The following CACNA2D1 variants were observed in gnomAD, a reference collection of about 807,000 sequenced individuals.
The protein encoded by CACNA2D1 is calcium voltage-gated channel auxiliary subunit alpha2delta 1, also known as voltage-dependent calcium channel subunit alpha-2/delta-1.
Under a neutral mutation model 171.5 loss-of-function variants are expected in CACNA2D1, and 53 were observed. The ratio of observed to expected loss-of-function variants is 0.31; its 90% confidence interval spans 0.25 to 0.39. The LOEUF (loss-of-function observed/expected upper bound fraction) is 0.39. CACNA2D1 is among the 10% of genes least tolerant of loss of function. The pLI, the probability that CACNA2D1 is intolerant of heterozygous loss-of-function variation, is 1.00. For synonymous variants in CACNA2D1, 442 were observed against 443.1 expected (o/e 1.00, Z 0.03); for missense variants, 903 against 1,299.8 (o/e 0.69, Z 4.69).
intron 24 of CACNA2D1, among the ~76,000 whole-genome samples, chr7:81,975,233 T>G (rs929503906): frequency 3.3e-5 from 5 of 152,116 alleles, no homozygotes; most frequent in Non-Finnish European, 7.4e-5. Context: ...TGCAACTGCA[T>G]GTGAATCTAT....
intron 3 of CACNA2D1, among the ~76,000 whole-genome samples, chr7:82,248,844 G>A (rs907862446): frequency 2.6e-5 from 4 of 151,710 alleles, no homozygotes; most frequent in African/African-American, 4.8e-5. Flanking sequence ...GCAGCTGGGC[G>A]CGGTGGCTCA....
intron 3 of CACNA2D1, among the ~76,000 whole-genome samples, chr7:82,295,864 G>A (rs995563293): frequency 5.9e-5 from 9 of 151,906 alleles, no homozygotes; most frequent in African/African-American, 1.7e-4. Flanking sequence ...CAACCCAAAT[G>A]TCCAACAATG....
intron 6 of CACNA2D1, among the ~76,000 whole-genome samples, chr7:82,116,649 A>G (rs1330422858): frequency 6.6e-6 from 1 of 152,204 alleles, no homozygotes; most frequent in African/African-American, 2.4e-5. Flanking sequence ...AATCTGAAAC[A>G]TACAATTTTC....
intron 38 of CACNA2D1, among the ~76,000 whole-genome samples, chr7:81,951,986 T>TC (rs1792635400): frequency 6.7e-6 from 1 of 148,972 alleles, no homozygotes; most frequent in African/African-American, 2.5e-5. Flanking sequence ...TTTTTTTTTT[T>TC]TTTTTAACCA....
chr7:82,261,338 C>T (rs1807076680), intron 3 of CACNA2D1, among the ~76,000 whole-genome samples: 1 of 152,188 alleles, frequency 6.6e-6, no homozygotes, highest in Admixed American at 6.5e-5. Flanking sequence ...ATAGCCTTTC[C>T]TCTCCTAAGT....
chr7:81,995,015 T>A, intron 19 of CACNA2D1, 76 bp from the exon 20 acceptor site: 1 of 767,272 alleles, frequency 1.3e-6, no homozygotes. Flanking sequence ...AACATGGTAG[T>A]TTTTCAAGTT....
At chr7:82,297,502 A>C (rs1157502868) in intron 3 of CACNA2D1, among the ~76,000 whole-genome samples, 1 of 152,210 alleles carries the variant, frequency 6.6e-6, no homozygotes, top group Non-Finnish European at 1.5e-5. Context: ...GAAAGAATGT[A>C]TACAATTTGT....
chr7:82,201,391 A>T (rs1444562509), intron 3 of CACNA2D1, among the ~76,000 whole-genome samples: 1 of 152,210 alleles, frequency 6.6e-6, no homozygotes, highest in Non-Finnish European at 1.5e-5. Context: ...TAGAATGTGT[A>T]CCTAGTATCA....
chr7:82,062,741 T>C (rs1481532047), intron 9 of CACNA2D1, among the ~76,000 whole-genome samples: 1 of 130,610 alleles, frequency 7.7e-6, no homozygotes, highest in Non-Finnish European at 1.6e-5. Flanking sequence ...TTTTTTTTTT[T>C]TTTTTTTTTT....
At chr7:82,405,953 A>T (rs964175881) in intron 1 of CACNA2D1, among the ~76,000 whole-genome samples, 1 of 152,196 alleles carries the variant, frequency 6.6e-6, no homozygotes, top group African/African-American at 2.4e-5. Context: ...GGTTTGTTAC[A>T]TATGTATCCA....
At chr7:81,969,054 G>A (rs2130403492) in intron 28 of CACNA2D1, 81 bp from the exon 29 acceptor site, 2 of 841,498 alleles carry the variant, frequency 2.4e-6, no homozygotes, top group Non-Finnish European at 3.9e-6. Flanking sequence ...AGATACAAAT[G>A]GATAGTATTT....
In CACNA2D1 at chr7:82,171,034, G is replaced by T. The variant is rs538971372; in HGVS notation, c.295-425C>A. On this transcript the variant is annotated intron_variant, in intron 3 of 38. Transcript: ENST00000356860. The stretch of plus-strand genomic sequence containing the variant: ...TAATATGCACTAAACAATATACTAG[G>T]CACCTTCTTAAATGCATATTGAGTT... Among the ~76,000 whole-genome samples the T allele has an allele frequency of 7.6e-4, 116 of 151,942 alleles. 1 individual carries two copies. Among genetic ancestry groups the T allele is most frequent in the African/African-American group, 2.6e-3 (109 of 41,484 alleles).
intron 11 of CACNA2D1, 143 bp from the exon 12 acceptor site, chr7:82,033,044 T>C: frequency 1.6e-6 from 1 of 621,202 alleles, no homozygotes; most frequent in Non-Finnish European, 2.9e-6. Context: ...AACTGGTTCC[T>C]GGATCAGTTC....
chr7:82,094,270 T>C (rs1015433612), intron 6 of CACNA2D1, among the ~76,000 whole-genome samples: 3 of 152,040 alleles, frequency 2.0e-5, no homozygotes, highest in African/African-American at 7.2e-5. Flanking sequence ...ATCTCAGAAA[T>C]TGAACTACAG....
At chr7:82,251,308 G>A (rs558287903) in intron 3 of CACNA2D1, among the ~76,000 whole-genome samples, 7 of 152,184 alleles carry the variant, frequency 4.6e-5, no homozygotes, top group African/African-American at 1.7e-4. Flanking sequence ...TTTAAATCCT[G>A]TACTAAGAAC....
chr7:82,111,292 GTATATATA>G (rs113362103), intron 6 of CACNA2D1, among the ~76,000 whole-genome samples: 2,156 of 120,816 alleles, frequency 0.018, 79 homozygotes, highest in African/African-American at 0.063. Context: ...ATATGTCTGG[GTATATATA>G]TATATATATA....
chr7:82,190,052 T>C (rs779203845), intron 3 of CACNA2D1, among the ~76,000 whole-genome samples: 7 of 151,948 alleles, frequency 4.6e-5, no homozygotes, highest in Non-Finnish European at 5.9e-5. Flanking sequence ...AATTCTGTTA[T>C]GAAGTTTGCA....
At position 82,140,954 on chromosome 7, in the gene CACNA2D1, T is replaced by TAAAAAAAAAAAAA. The variant is rs1324664679; in HGVS notation, c.355-4291_355-4279dup. ...TAGGCGACAGAGCAAGACTCGTCTC[T>TAAAAAAAAAAAAA]AAAAAAAAAAAAAAAGAAAAAAAAA... On this transcript the variant is annotated intron_variant, in intron 4 of 38. Transcript: ENST00000356860. Among the ~76,000 whole-genome samples, 9 of 91,758 alleles carry TAAAAAAAAAAAAA rather than the reference T, an allele frequency of 9.8e-5. 1 individual carries two copies. The highest frequency in any genetic ancestry group is 2.0e-4 in the African/African-American group (4 of 19,602). The allele number at this position is 91,758 out of a possible 152,430, so 60.2% of individuals were successfully genotyped here.
At chr7:82,147,751 T>G (rs1353853634) in intron 4 of CACNA2D1, among the ~76,000 whole-genome samples, 2 of 152,142 alleles carry the variant, frequency 1.3e-5, no homozygotes, top group African/African-American at 4.8e-5. Context: ...AAACAAAATA[T>G]GAGGATTAAC....
Sources: allele counts gnomAD v4.1 joint callset (sites outside exome capture counted in the v4.1 genomes callset), GRCh38; gene constraint gnomAD v4.1.1; transcripts MANE v1.5; gene names NCBI Gene and HGNC (gene_info 2026-07-23, HGNC 2026-07-21).